KCNC4: variants seen among roughly 807,000 people sequenced by gnomAD.
KCNC4 encodes potassium voltage-gated channel subfamily C member 4.
Under a neutral mutation model 42.8 loss-of-function variants are expected in KCNC4, and 23 were observed. The ratio of observed to expected loss-of-function variants is 0.54; its 90% CI spans 0.39 to 0.76. The LOEUF is 0.76. Among genes scored for constraint, KCNC4 ranks in the 30% least tolerant of loss-of-function variants. The pLI is 0.00. For missense variants in KCNC4, 751 were observed against 898.2 expected (o/e 0.84, Z 2.10); for synonymous variants, 422 against 393.5 (o/e 1.07, Z -0.86).
downstream of KCNC4, among the ~76,000 whole-genome samples, chr1:110,250,900 T>C (rs1226376088): frequency 6.6e-6 from 1 of 152,160 alleles, no homozygotes; most frequent in Non-Finnish European, 1.5e-5. Context: ...CTCAAGCCCA[T>C]GGACTGCCTT....
rs373501818 is a variant in KCNC4, at chr1:110,212,015, G to A, written c.516G>A (p.Gly172=). The A allele has an allele frequency of 2.1e-4, 333 of 1,600,874 alleles. 1 individual carries two copies. The African/African-American group carries it at 4.0e-3, about 19-fold the overall frequency. Residue 172 remains glycine (G), a synonymous_variant, in exon 1 of 4, where the codon GGG becomes GGA. Coordinates refer to ENST00000438661, the MANE Select transcript of KCNC4 (RefSeq NM_001039574.3). Reference sequence around the variant, plus strand: ...CGGACGGAGGCGGCAGCGGCGCGGGGCCCAGCGACGAGGCCGGCGACGATG... The same window carrying A: ...CGGACGGAGGCGGCAGCGGCGCGGGACCCAGCGACGAGGCCGGCGACGATG... ...ESPDGGGSGA[G]PSDEAGDDER... is the part of the protein sequence containing the mutation.
At chr1:110,218,680 A>G (rs1173775976) in intron 1 of KCNC4, among the ~76,000 whole-genome samples, 1 of 152,106 alleles carries the variant, frequency 6.6e-6, no homozygotes, top group African/African-American at 2.4e-5. Context: ...TGAAGACCTT[A>G]AGGCTTGGAG....
chr1:110,222,624 A>G (rs1390497398), intron 1 of KCNC4: 1 of 261,242 alleles, frequency 3.8e-6, no homozygotes, highest in East Asian at 8.0e-5. Flanking sequence ...TTGTAACAAG[A>G]TTCCCATTGC....
At chr1:110,251,977 G>A (rs1571070791), downstream of KCNC4, among the ~76,000 whole-genome samples, 1 of 152,206 alleles carries the variant, frequency 6.6e-6, no homozygotes, top group East Asian at 1.9e-4. Context: ...TTGAGAGCAA[G>A]CCCATGATGG....
chr1:110,241,696 T>G (rs1659037795), exon 4 of KCNC4: 1 of 152,242 alleles, frequency 6.6e-6, no homozygotes, highest in South Asian at 2.1e-4. Context: ...TATTGTGTCC[T>G]CAGCCTGGCA....
At chr1:110,268,351 T>C (rs1659579770) in intron 1 of KCNC4, among the ~76,000 whole-genome samples, 1 of 152,168 alleles carries the variant, frequency 6.6e-6, no homozygotes, top group African/African-American at 2.4e-5. Context: ...CTCACGCCTG[T>C]AATCCCAGCA....
At chr1:110,213,745 G>A (rs1473072380) in intron 1 of KCNC4, among the ~76,000 whole-genome samples, 2 of 152,222 alleles carry the variant, frequency 1.3e-5, no homozygotes, top group African/African-American at 4.8e-5. Context: ...TCTGCTGTGA[G>A]TTCTACAGAC....
At chr1:110,251,076 G>A (rs753203119), downstream of KCNC4, among the ~76,000 whole-genome samples, 7 of 152,176 alleles carry the variant, frequency 4.6e-5, no homozygotes, top group Admixed American at 1.3e-4. Context: ...CCCAGAGGGT[G>A]GCAGGGGAGT....
chr1:110,210,808 C>A lies in KCNC4; in HGVS notation c.-692C>A, dbSNP rs1657394513. Among the ~76,000 whole-genome samples, 4 of 152,026 alleles carry A rather than the reference C, an allele frequency of 2.6e-5. No individual in the cohort carries two copies. Among genetic ancestry groups the A allele is most frequent in the Admixed American group, 2.6e-4 (4 of 15,274 alleles). ...GCTTGTTTTCCAGCTGCCGCCTCGCCCTGCGCAGCCCCCGCCCGCCCGGCC... is the reference window on the plus strand; with the variant it reads ...GCTTGTTTTCCAGCTGCCGCCTCGCACTGCGCAGCCCCCGCCCGCCCGGCC... On this transcript the variant is annotated 5_prime_UTR_variant, in exon 1 of 4. Transcript: ENST00000438661.
exon 4 of KCNC4, chr1:110,245,638 T>G (rs1482833413): frequency 6.6e-6 from 1 of 152,198 alleles, no homozygotes; most frequent in African/African-American, 2.4e-5. Context: ...GAAGCTGATT[T>G]AAGACCCCTT....
chr1:110,212,252 G>T lies in KCNC4; in HGVS notation c.678+75G>T, dbSNP rs1486989739. ...GTGGTGGGTGGTGGGTAGGGGCCGG[G>T]AGGAGCAGGGACCGAGCCTGACTTA... On this transcript the variant is annotated intron_variant, in intron 1 of 3. Coordinates refer to ENST00000438661, the MANE Select transcript of KCNC4 (RefSeq NM_001039574.3). 3 of 1,334,976 alleles carry T rather than the reference G, an allele frequency of 2.2e-6. No individual in the cohort carries two copies. The Admixed American group carries it at 1.2e-4, about 53-fold the overall frequency. 82.7% of individuals were successfully genotyped at this position (1,334,976 alleles called of 1,614,324 possible).
Position 110,223,305 on chromosome 1 carries a change from C to T in KCNC4, c.1020C>T (p.Arg340=), listed in dbSNP as rs571348472. 2.8e-5 allele frequency: 45 copies of T among 1,614,128 alleles called. No individual in the cohort carries two copies. Among genetic ancestry groups the T allele is most frequent in the Middle Eastern group, 3.3e-4 (2 of 6,062 alleles). ...GLSGLSSKAA[R]DVLGFLRVVR... ...GCGGCCTGTCATCCAAGGCGGCCCG[C>T]GACGTGCTGGGCTTCCTGCGCGTGG... The change falls in exon 2 of 4, where the codon CGC becomes CGT. Residue 340 remains arginine, a synonymous_variant. Transcript: ENST00000438661. This position sits in a 1 kb window ranked among gnomAD's most constrained non-coding sequence, Gnocchi z 7.5.
chr1:110,236,039 G>A (rs1658898090), downstream of KCNC4: 1 of 152,196 alleles, frequency 6.6e-6, no homozygotes, highest in African/African-American at 2.4e-5. Flanking sequence ...AGGGAGAGGG[G>A]AGTATTTTGG....
chr1:110,232,131 C>T (rs2101041313), intron 3 of KCNC4: 1 of 1,297,962 alleles, frequency 7.7e-7, no homozygotes, highest in South Asian at 1.3e-5. Context: ...TGGTAGACAT[C>T]CCAGGCTGAG....
At chr1:110,280,647 C>CAAATA (rs10665441) in intron 1 of KCNC4, among the ~76,000 whole-genome samples, 44,000 of 151,856 alleles carry the variant, frequency 0.29, 6,781 homozygotes, top group Admixed American at 0.42. Context: ...CCAGATTTAG[C>CAAATA]AAATTACAGG....
At position 110,222,111 on chromosome 1, in the gene KCNC4, G is replaced by A. The variant is rs1298151682; in HGVS notation, c.679-853G>A. 10 of 152,196 alleles carry A rather than the reference G, an allele frequency of 6.6e-5. 1 individual carries two copies. Among genetic ancestry groups the A allele is most frequent in the African/African-American group, 2.2e-4 (9 of 41,448 alleles). 9.4% of individuals were successfully genotyped at this position (152,196 alleles called of 1,614,324 possible). On this transcript the variant is annotated intron_variant, in intron 1 of 3. Transcript: ENST00000438661. ...GAGTTCCAGGAAATGTCAGTTTGTG[G>A]GAAGGAGTGAGACTGGTTCTTCTGA...
intron 1 of KCNC4, among the ~76,000 whole-genome samples, chr1:110,263,155 G>C (rs1263460752): frequency 6.6e-6 from 1 of 152,222 alleles, no homozygotes; most frequent in Admixed American, 6.5e-5. Context: ...GGTCAGCAGT[G>C]GTGGGGCTTT....
rs993221144 is a variant in KCNC4, at chr1:110,210,780, C to T, written c.-720C>T. On this transcript the variant is annotated 5_prime_UTR_variant, in exon 1 of 4. Coordinates refer to ENST00000438661, the MANE Select transcript of KCNC4 (RefSeq NM_001039574.3). ...AGGACCCGAGGCTCGCTCCTGCGGG[C>T]GCGCTTGTTTTCCAGCTGCCGCCTC... 7.3e-5 allele frequency among the ~76,000 whole-genome samples: 11 copies of T among 151,692 alleles called. No homozygotes were observed. The highest frequency in any genetic ancestry group is 2.7e-4 in the African/African-American group (11 of 41,340).
intron 1 of KCNC4, among the ~76,000 whole-genome samples, chr1:110,214,008 CCAGGTGG>C (rs1657647172): frequency 1.3e-5 from 2 of 152,306 alleles, no homozygotes; most frequent in Admixed American, 1.3e-4. Context: ...CTCTGGAATT[CCAGGTGG>C]CACCCCACAT....
Sources: allele counts gnomAD v4.1 joint callset (sites outside exome capture counted in the v4.1 genomes callset), GRCh38; gene constraint gnomAD v4.1.1; non-coding constraint Gnocchi (gnomAD v3.1); transcripts MANE v1.5; gene names NCBI Gene and HGNC (gene_info 2026-07-23, HGNC 2026-07-21).